The following CAB39 variants were observed in gnomAD, a reference collection of about 807,000 sequenced individuals.
The protein encoded by CAB39 is calcium-binding protein 39.
In CAB39, 8 loss-of-function variants were observed where a neutral mutation model predicts 40.0. The ratio of observed to expected loss-of-function variants is 0.20; its 90% CI spans 0.12 to 0.36. CAB39 has a LOEUF of 0.36. CAB39 is among the 10% of genes least tolerant of loss of function. CAB39 has a pLI of 1.00. For synonymous variants in CAB39, 156 were observed against 141.6 expected (o/e 1.10, Z -0.72); for missense variants, 270 against 401.1 (o/e 0.67, Z 2.79).
At chr2:230,732,964 T>TA (rs949047295) in intron 1 of CAB39, among the ~76,000 whole-genome samples, 2 of 152,160 alleles carry the variant, frequency 1.3e-5, no homozygotes, top group African/African-American at 2.4e-5. Context: ...CACTGACAAT[T>TA]AAAAAAAATT....
chr2:230,722,607 A>G (rs1248096853), intron 1 of CAB39, among the ~76,000 whole-genome samples: 1 of 152,230 alleles, frequency 6.6e-6, no homozygotes, highest in African/African-American at 2.4e-5. Context: ...CATTTGTAAC[A>G]TAGCAATAAT....
chr2:230,795,993 T>C (rs1351941374), intron 4 of CAB39, among the ~76,000 whole-genome samples: 1 of 152,198 alleles, frequency 6.6e-6, no homozygotes, highest in African/African-American at 2.4e-5. Flanking sequence ...CTTTCTTGTG[T>C]CCAAGTTGCC....
At chr2:230,759,759 A>C (rs2124918668) in intron 1 of CAB39, among the ~76,000 whole-genome samples, 200 bp from the exon 2 acceptor site, 1 of 152,342 alleles carries the variant, frequency 6.6e-6, no homozygotes, top group East Asian at 1.9e-4. Context: ...GTTTTGAAAA[A>C]TACAGTGTTC....
chr2:230,779,071 T>A (rs1319204300), intron 2 of CAB39: 1 of 152,186 alleles, frequency 6.6e-6, no homozygotes, highest in African/African-American at 2.4e-5. Flanking sequence ...GGTTACTACT[T>A]AAGTTGATCC....
chr2:230,774,715 G>T (rs944191193), intron 2 of CAB39, among the ~76,000 whole-genome samples: 4 of 152,164 alleles, frequency 2.6e-5, no homozygotes, highest in Non-Finnish European at 5.9e-5. Flanking sequence ...GGGGGAAAGG[G>T]AGTAGCCTCT....
chr2:230,749,061 C>A (rs1695039917), intron 1 of CAB39, among the ~76,000 whole-genome samples: 1 of 146,806 alleles, frequency 6.8e-6, no homozygotes, highest in Admixed American at 6.8e-5. Context: ...TTCACAACCT[C>A]CAAGGTAACC....
chr2:230,810,120 T>G, intron 5 of CAB39, 143 bp from the exon 6 acceptor site: 1 of 511,808 alleles, frequency 2.0e-6, no homozygotes, highest in Non-Finnish European at 3.5e-6. Flanking sequence ...ATAGAATCAG[T>G]GTTTTAATAC....
intron 8 of CAB39, 47 bp from the exon 9 acceptor site, chr2:230,818,469 G>C (rs1248447113): frequency 6.5e-7 from 1 of 1,530,468 alleles, no homozygotes; most frequent in South Asian, 1.2e-5. Flanking sequence ...AGGTGTGGCT[G>C]CGTTTTGTCC....
At chr2:230,817,394 A>G (rs1696420124) in intron 7 of CAB39, among the ~76,000 whole-genome samples, 1 of 152,224 alleles carries the variant, frequency 6.6e-6, no homozygotes, top group Non-Finnish European at 1.5e-5. Context: ...AACAGGAATA[A>G]TCAATAACTT....
chr2:230,784,815 T>C (rs1400089166), intron 2 of CAB39, among the ~76,000 whole-genome samples: 1 of 152,202 alleles, frequency 6.6e-6, no homozygotes, highest in African/African-American at 2.4e-5. Context: ...ACTCAATAGT[T>C]GTCTGGCCAC....
chr2:230,727,322 G>A (rs1694598225), intron 1 of CAB39, among the ~76,000 whole-genome samples: 1 of 149,582 alleles, frequency 6.7e-6, no homozygotes. Context: ...ATTTAAATAA[G>A]TATGTATTTA....
intron 2 of CAB39, among the ~76,000 whole-genome samples, chr2:230,776,285 T>C (rs181477228): frequency 4.5e-4 from 69 of 152,314 alleles, no homozygotes; most frequent in Admixed American, 1.4e-3. Context: ...AATTAATTAA[T>C]TCACAGGAAG....
intron 1 of CAB39, among the ~76,000 whole-genome samples, chr2:230,749,995 A>G (rs1424499317): frequency 1.3e-5 from 2 of 152,210 alleles, no homozygotes; most frequent in African/African-American, 2.4e-5. Flanking sequence ...CAAACTAGCC[A>G]ATAATTTTGA....
At chr2:230,815,072 G>A (rs533478202) in intron 7 of CAB39, among the ~76,000 whole-genome samples, 6 of 152,182 alleles carry the variant, frequency 3.9e-5, no homozygotes, top group African/African-American at 7.2e-5. Context: ...ATCTTTCTGT[G>A]GAAAAGACTA....
intron 2 of CAB39, among the ~76,000 whole-genome samples, chr2:230,787,371 A>G (rs187583084): frequency 1.3e-5 from 2 of 152,270 alleles, no homozygotes; most frequent in East Asian, 1.9e-4. Context: ...GGAGACATAC[A>G]TATGAGATTT....
intron 7 of CAB39, among the ~76,000 whole-genome samples, chr2:230,816,721 G>A (rs530595927): frequency 4.5e-4 from 68 of 152,284 alleles, no homozygotes; most frequent in African/African-American, 1.4e-3. Flanking sequence ...GGCCTGATAC[G>A]TGCTTTGCAC....
In CAB39 at chr2:230,819,825, T is replaced by C. The variant is rs1230881460; in HGVS notation, c.*1121T>C. ...ATGAATCTGCCAGATCTGTGAATGATAGAGATTATGCTAAATTAATGCTGA... is the reference window on the plus strand; with the variant it reads ...ATGAATCTGCCAGATCTGTGAATGACAGAGATTATGCTAAATTAATGCTGA... On this transcript the variant is annotated 3_prime_UTR_variant, in exon 9 of 9. Transcript: ENST00000258418. 6.6e-6 allele frequency: 1 copy of C among 152,502 alleles called. No homozygotes were observed. Among genetic ancestry groups the C allele is most frequent in the Non-Finnish European group, 1.5e-5 (1 of 68,038 alleles). The allele number at this position is 152,502 out of a possible 1,614,324, so 9.4% of individuals were successfully genotyped here.
chr2:230,760,865 G>C (rs1301578401), intron 2 of CAB39, among the ~76,000 whole-genome samples: 1 of 152,144 alleles, frequency 6.6e-6, no homozygotes, highest in African/African-American at 2.4e-5. Context: ...TGAAGAAGTT[G>C]TTCATACTCT....
At chr2:230,777,410 A>T in intron 2 of CAB39, among the ~76,000 whole-genome samples, 1 of 146,414 alleles carries the variant, frequency 6.8e-6, no homozygotes. Context: ...ATGTGCATAT[A>T]GATCTCAATT....
Sources: gnomAD v4.1 joint callset for allele counts (sites outside exome capture counted in the v4.1 genomes callset) on GRCh38, gnomAD v4.1.1 for gene constraint, MANE v1.5 for transcripts, NCBI Gene and HGNC (gene_info 2026-07-23, HGNC 2026-07-21) for gene names.